Variants in KDM6A observed in about 807,000 individuals in gnomAD.
The protein encoded by KDM6A is lysine demethylase 6A.
KDM6A carries 11 observed loss-of-function variants against 117.6 expected under a neutral mutation model. That is an observed-to-expected ratio of 0.09 (90% CI 0.06 to 0.15). The LOEUF is 0.15. Among genes scored for constraint, KDM6A ranks in the 10% least tolerant of loss-of-function variants. The pLI is 1.00. For missense variants in KDM6A, 799 were observed against 1,077.3 expected (o/e 0.74, Z 3.62); for synonymous variants, 384 against 396.1 (o/e 0.97, Z 0.36).
intron 20 of KDM6A, 131 bp downstream of exon 20, chrX:45,078,636 C>CT (rs752411393): frequency 1.2e-5 from 6 of 512,195 alleles, no homozygotes; most frequent in East Asian, 7.9e-5. Context: ...TTTAATTTTA[C>CT]TTTTTTTTAG....
chrX:44,930,787 A>T (rs2146958562), intron 2 of KDM6A, among the ~76,000 whole-genome samples: 1 of 112,214 alleles, frequency 8.9e-6, no homozygotes, highest in Non-Finnish European at 1.9e-5. Context: ...AATTATGGAT[A>T]ATCTCTTATG....
intron 2 of KDM6A, among the ~76,000 whole-genome samples, chrX:44,945,130 A>G (rs937019486): frequency 9.0e-6 from 1 of 111,445 alleles, no homozygotes; most frequent in African/African-American, 3.3e-5. Context: ...AAAGAAAAAA[A>G]TAGGACTGTA....
rs914851369 is a variant in KDM6A at position 44,974,793 on chromosome X, G to A, written c.384+78G>A. On this transcript the variant is annotated intron_variant, in intron 4 of 29. Coordinates refer to ENST00000611820, the MANE Select transcript of KDM6A (RefSeq NM_001291415.2). ...GCCAATTATACTCAAAATTAATTGAGCTCTTGCTTTTTTTTGTTAATTACT... is the reference window on the plus strand; with the variant it reads ...GCCAATTATACTCAAAATTAATTGAACTCTTGCTTTTTTTTGTTAATTACT... 34 of 738,564 alleles carry A rather than the reference G, an allele frequency of 4.6e-5. No individual in the cohort carries two copies. In the African/African-American group the frequency reaches 7.8e-4, roughly 17 times the overall value. 60.9% of individuals were successfully genotyped at this position (738,564 alleles called of 1,213,427 possible). A position where few individuals can be genotyped will look rare whatever the true frequency, so the allele number is the denominator to read the frequency against.
At chrX:45,071,121 A>G (rs1247947850) in intron 18 of KDM6A, among the ~76,000 whole-genome samples, 2 of 112,423 alleles carry the variant, frequency 1.8e-5, no homozygotes, top group African/African-American at 6.5e-5. Context: ...GTTGTCCTCT[A>G]TAAGTGACTA....
At chrX:44,899,004 G>GGGGTGTGTGT (rs754650272) in intron 2 of KDM6A, among the ~76,000 whole-genome samples, 1 of 79,641 alleles carries the variant, frequency 1.3e-5, no homozygotes, top group African/African-American at 6.3e-5. Context: ...GGAGAGGGAG[G>GGGGTGTGTGT]GTGTGTGTGT....
In KDM6A at chrX:45,086,095, A is replaced by C. The variant is rs914126043; in HGVS notation, c.3704+116A>C. On this transcript the variant is annotated intron_variant, in intron 25 of 29. Transcript: ENST00000611820. Reference sequence around the variant, plus strand: ...CATTGCCAGTATTCACTTACCATTCAGCGAAGAATTCATTTTAAATTATTT... The same window carrying C: ...CATTGCCAGTATTCACTTACCATTCCGCGAAGAATTCATTTTAAATTATTT... The C allele has an allele frequency of 8.2e-6, 4 of 490,646 alleles. No individual in the cohort carries two copies. In the African/African-American group the frequency reaches 9.5e-5, roughly 12 times the overall value. The allele number at this position is 490,646 out of a possible 1,213,427, so 40.4% of individuals were successfully genotyped here.
chrX:44,948,847 C>T (rs183961636), intron 2 of KDM6A, among the ~76,000 whole-genome samples: 178 of 111,506 alleles, frequency 1.6e-3, no homozygotes, highest in African/African-American at 5.0e-3. Context: ...AAACCAGCAC[C>T]GCTGGTGGAA....
intron 26 of KDM6A, among the ~76,000 whole-genome samples, chrX:45,090,457 G>A (rs1318314750): frequency 4.5e-5 from 5 of 111,749 alleles, no homozygotes; most frequent in African/African-American, 1.6e-4. Context: ...TGGAAGTAAT[G>A]AAATTAATAA....
At chrX:45,053,700 T>C in intron 9 of KDM6A, 129 bp from the exon 10 acceptor site, 1 of 548,152 alleles carries the variant, frequency 1.8e-6, no homozygotes, top group Non-Finnish European at 3.0e-6. Flanking sequence ...TTTGGAAATA[T>C]GTACTCCAAA....
At chrX:45,105,366 C>T (rs997183312) in intron 27 of KDM6A, among the ~76,000 whole-genome samples, 1 of 111,515 alleles carries the variant, frequency 9.0e-6, no homozygotes, top group African/African-American at 3.3e-5. Context: ...AAATACATGG[C>T]CCCTGTCTGG....
intron 18 of KDM6A, among the ~76,000 whole-genome samples, chrX:45,075,096 T>C (rs1371032496): frequency 8.9e-6 from 1 of 111,973 alleles, no homozygotes; most frequent in African/African-American, 3.2e-5. Flanking sequence ...TATATCCATC[T>C]CCTTTCCTAA....
At chrX:44,890,550 A>C (rs1472978764) in intron 2 of KDM6A, among the ~76,000 whole-genome samples, 2 of 106,335 alleles carry the variant, frequency 1.9e-5, no homozygotes, top group Non-Finnish European at 3.8e-5. Flanking sequence ...TTTGGTGTTC[A>C]TGCTGTTTTT....
rs150722375 is a variant in KDM6A, at chrX:45,111,399, C to T, written c.4350C>T (p.Ser1450=). Residue 1450 remains serine (S), a synonymous_variant, in exon 30 of 30, where the codon TCC becomes TCT. Coordinates refer to ENST00000611820, the MANE Select transcript of KDM6A (RefSeq NM_001291415.2). The stretch of plus-strand genomic sequence containing the variant: ...ATTTTCAGGCTCCTCCATTACCATC[C>T]GCCTCATCTTGATATTGTTCCATGG... ...DQFTLAPPLP[S]ASS 20 of 1,198,523 alleles carry T rather than the reference C, an allele frequency of 1.7e-5. No individual in the cohort carries two copies. The highest frequency in any genetic ancestry group is 5.3e-5 in the South Asian group (3 of 56,510).
intron 3 of KDM6A, among the ~76,000 whole-genome samples, chrX:44,968,721 A>G (rs189773868): frequency 9.8e-5 from 11 of 112,317 alleles, no homozygotes; most frequent in Admixed American, 9.4e-5. Context: ...CTTTAATCCC[A>G]GCACTTTGGG....
chrX:44,938,190 C>T (rs958989163), intron 2 of KDM6A, among the ~76,000 whole-genome samples: 5 of 111,647 alleles, frequency 4.5e-5, no homozygotes, highest in African/African-American at 1.3e-4. Flanking sequence ...GAACTCCTGA[C>T]CTCAAGCCAT....
chrX:44,903,175 T>G lies in KDM6A; in HGVS notation c.225+29188T>G, dbSNP rs185282615. Among the ~76,000 whole-genome samples, 462 of 112,327 alleles carry G rather than the reference T, an allele frequency of 4.1e-3. 4 individuals are homozygous for G. The highest frequency in any genetic ancestry group is 0.014 in the African/African-American group (441 of 30,921). ...ATGACTGCCTTTTGTATTTTCCTAG[T>G]GACAAATTCAGTTTTTGTTTATATA... is the stretch of plus-strand genomic sequence containing the variant. On this transcript the variant is annotated intron_variant, in intron 2 of 29. Coordinates refer to ENST00000611820, the MANE Select transcript of KDM6A (RefSeq NM_001291415.2).
chrX:44,979,859 AG>A (rs768778729), intron 4 of KDM6A, among the ~76,000 whole-genome samples: 75 of 110,554 alleles, frequency 6.8e-4, no homozygotes, highest in African/African-American at 2.2e-3. Flanking sequence ...CGTACAATTT[AG>A]TTTTCTGTTT....
chrX:45,040,955 C>A (rs2043132065), intron 8 of KDM6A, among the ~76,000 whole-genome samples: 3 of 67,649 alleles, frequency 4.4e-5, no homozygotes, highest in African/African-American at 1.8e-4. Flanking sequence ...CGGGCAGAGG[C>A]GCCCCTCACC....
intron 6 of KDM6A, among the ~76,000 whole-genome samples, chrX:45,032,892 T>A (rs750678729): frequency 8.9e-6 from 1 of 112,662 alleles, no homozygotes; most frequent in Admixed American, 9.4e-5. Context: ...ACACAAAACA[T>A]GGTCAAGAAA....
Sources: allele counts gnomAD v4.1 joint callset (sites outside exome capture counted in the v4.1 genomes callset), GRCh38; gene constraint gnomAD v4.1.1; transcripts MANE v1.5; gene names NCBI Gene and HGNC (gene_info 2026-07-23, HGNC 2026-07-21).